SKAP2: variants seen among roughly 807,000 people sequenced by gnomAD.
SKAP2 encodes src kinase associated phosphoprotein 2.
SKAP2 carries 28 observed loss-of-function variants against 54.9 expected under a neutral mutation model. The ratio of observed to expected loss-of-function variants is 0.51; its 90% CI spans 0.38 to 0.70. The LOEUF is 0.70. Ranked by LOEUF, SKAP2 falls within the 30% of genes least tolerant of loss-of-function variation. The probability of loss-of-function intolerance (pLI) is 0.00; values close to 1 mark genes in which losing one functional copy is unlikely to be tolerated. For synonymous variants in SKAP2, 137 were observed against 134.3 expected (o/e 1.02, Z -0.14); for missense variants, 356 against 424.1 (o/e 0.84, Z 1.41).
the SKAP2 span, among the ~76,000 whole-genome samples, chr7:26,657,277 C>T: frequency 4.6e-5 from 7 of 152,288 alleles, no homozygotes; most frequent in South Asian, 4.1e-4. Flanking sequence ...CCACAGCCTT[C>T]GCAAGCTACA....
rs76085938 is a variant in SKAP2, at chr7:26,735,495, C to A, written c.469+3300G>T. On this transcript the variant is annotated intron_variant, in intron 6 of 12. Transcript: ENST00000345317. ...ACCCAACAGGTTGGAACTACTCTTT[C>A]TAAGCCACTCCTATCTTGATAGGTC... is the stretch of plus-strand genomic sequence containing the variant. Among the ~76,000 whole-genome samples, 520 of 152,274 alleles carry A rather than the reference C, an allele frequency of 3.4e-3. 11 individuals are homozygous for A. Among genetic ancestry groups the A allele is most frequent in the East Asian group, 0.018 (93 of 5,184 alleles).
intron 4 of SKAP2, among the ~76,000 whole-genome samples, chr7:26,826,118 T>TACACACACACACAC (rs10601131): frequency 1.1e-4 from 16 of 150,026 alleles, no homozygotes; most frequent in African/African-American, 2.0e-4. Context: ...ATTCGTGCAA[T>TACACACACACACAC]ACACACACAC....
At position 26,725,528 on chromosome 7, in the gene SKAP2, C is replaced by T. The variant is rs1354801441; in HGVS notation, c.696G>A (p.Glu232=). ...ESDIIPEDYD[E]RGELYDDVDH... is the part of the protein sequence containing the mutation. ...CAACATCATCATATAATTCTCCTCT[C>T]TCATCATAATCCTCAGGAATAATAT... The change falls in exon 9 of 13, where the codon GAG becomes GAA. Residue 232 remains glutamate (E), a synonymous_variant. Coordinates refer to ENST00000345317, the MANE Select transcript of SKAP2 (RefSeq NM_003930.5). The T allele has an allele frequency of 6.2e-7, 1 of 1,609,908 alleles. No homozygotes were observed. Among genetic ancestry groups the T allele is most frequent in the Admixed American group, 1.7e-5 (1 of 59,846 alleles).
intron 4 of SKAP2, among the ~76,000 whole-genome samples, chr7:26,758,395 A>G (rs1398851461): frequency 2.0e-5 from 3 of 152,206 alleles, no homozygotes; most frequent in Non-Finnish European, 4.4e-5. Context: ...AATTTAATCA[A>G]TACAAGTATA....
At chr7:26,804,285 A>C (rs1324731722) in intron 4 of SKAP2, among the ~76,000 whole-genome samples, 1 of 152,190 alleles carries the variant, frequency 6.6e-6, no homozygotes, top group Non-Finnish European at 1.5e-5. Flanking sequence ...ATTTTAAAAA[A>C]ATTTTAAAAA....
chr7:26,714,719 T>C (rs1787393729), intron 9 of SKAP2, among the ~76,000 whole-genome samples: 1 of 152,252 alleles, frequency 6.6e-6, no homozygotes. Context: ...CTGCAGTCTG[T>C]CTCTATAGAT....
chr7:26,793,461 T>TA (rs1341140413), intron 4 of SKAP2, among the ~76,000 whole-genome samples: 1 of 152,204 alleles, frequency 6.6e-6, no homozygotes, highest in East Asian at 1.9e-4. Flanking sequence ...TACAGTAGAT[T>TA]AAACCACACC....
At chr7:26,767,592 G>C (rs1258846157) in intron 4 of SKAP2, among the ~76,000 whole-genome samples, 1 of 152,132 alleles carries the variant, frequency 6.6e-6, no homozygotes, top group Non-Finnish European at 1.5e-5. Flanking sequence ...TCTCTTGTGG[G>C]CATTTAATGC....
At chr7:26,787,684 G>C (rs1301717311) in intron 4 of SKAP2, among the ~76,000 whole-genome samples, 1 of 152,028 alleles carries the variant, frequency 6.6e-6, no homozygotes. Flanking sequence ...TCATATGGCA[G>C]AGCAGGAGCA....
At chr7:26,732,891 C>T (rs1300164301) in intron 6 of SKAP2, among the ~76,000 whole-genome samples, 1 of 152,174 alleles carries the variant, frequency 6.6e-6, no homozygotes, top group African/African-American at 2.4e-5. Context: ...CTGACTATTT[C>T]TGCATGTTGA....
intron 4 of SKAP2, among the ~76,000 whole-genome samples, chr7:26,801,319 A>C (rs1345819138): frequency 2.0e-5 from 3 of 152,208 alleles, no homozygotes; most frequent in Non-Finnish European, 2.9e-5. Flanking sequence ...CTTCATGACA[A>C]AAACGCTTTA....
At chr7:26,859,029 T>C (rs1785229945) in intron 1 of SKAP2, among the ~76,000 whole-genome samples, 1 of 152,118 alleles carries the variant, frequency 6.6e-6, no homozygotes, top group Non-Finnish European at 1.5e-5. Context: ...TGGCCTGAAT[T>C]GTATGGGGGA....
chr7:26,693,105 G>A (rs1377823761), intron 9 of SKAP2, among the ~76,000 whole-genome samples: 1 of 152,114 alleles, frequency 6.6e-6, no homozygotes, highest in Non-Finnish European at 1.5e-5. Flanking sequence ...GCCCAGGCGG[G>A]TGGATCACCT....
intron 4 of SKAP2, among the ~76,000 whole-genome samples, chr7:26,828,476 G>A (rs1784538298): frequency 6.6e-6 from 1 of 151,164 alleles, no homozygotes; most frequent in Non-Finnish European, 1.5e-5. Flanking sequence ...AGGAGATCAA[G>A]ACCATCCTGG....
chr7:26,833,668 C>T (rs1294996042), intron 4 of SKAP2, among the ~76,000 whole-genome samples: 4 of 152,084 alleles, frequency 2.6e-5, no homozygotes, highest in Non-Finnish European at 5.9e-5. Context: ...ACAAGAAGAG[C>T]TAACTATCCT....
chr7:26,738,722 C>T, intron 6 of SKAP2, 73 bp downstream of exon 6: 1 of 788,762 alleles, frequency 1.3e-6, no homozygotes, highest in South Asian at 1.4e-5. Flanking sequence ...TTACTCTGTA[C>T]TCAAAAGAGG....
At chr7:26,855,123 C>A in intron 1 of SKAP2, 1 of 287,464 alleles carries the variant, frequency 3.5e-6, no homozygotes. Flanking sequence ...CTTACCACAG[C>A]AAATACTATT....
At chr7:26,719,106 T>A (rs920148499) in intron 9 of SKAP2, among the ~76,000 whole-genome samples, 1 of 152,002 alleles carries the variant, frequency 6.6e-6, no homozygotes, top group African/African-American at 2.4e-5. Context: ...CTTGAGGAGT[T>A]TGAAGCTGCA....
chr7:26,688,936 A>G (rs909708794), intron 10 of SKAP2, among the ~76,000 whole-genome samples: 1 of 152,190 alleles, frequency 6.6e-6, no homozygotes, highest in Non-Finnish European at 1.5e-5. Flanking sequence ...TTAAACTACT[A>G]TTGAACATAG....
Sources: allele counts gnomAD v4.1 joint callset (sites outside exome capture counted in the v4.1 genomes callset), GRCh38; gene constraint gnomAD v4.1.1; transcripts MANE v1.5; gene names NCBI Gene and HGNC (gene_info 2026-07-23, HGNC 2026-07-21).